GAB1: variants seen among roughly 807,000 people sequenced by gnomAD.
GAB1 encodes the protein GRB2-associated-binding protein 1.
In GAB1, 19 loss-of-function variants were observed where a neutral mutation model predicts 66.5. The observed-to-expected ratio is 0.29, with a 90% CI of 0.20 to 0.42. The LOEUF (loss-of-function observed/expected upper bound fraction) is 0.42, where lower values mean the gene tolerates loss of function less well. Ranked by LOEUF, GAB1 falls within the 10% of genes least tolerant of loss-of-function variation. The probability of loss-of-function intolerance (pLI) is 1.00; values close to 1 mark genes in which losing one functional copy is unlikely to be tolerated. For missense variants in GAB1, 732 were observed against 858.5 expected, an observed-to-expected ratio of 0.85 and a Z score of 1.84; for synonymous variants, 294 against 301.4, an observed-to-expected ratio of 0.98 and a Z score of 0.25.
At chr4:143,460,883 C>T (rs1373536349) in intron 8 of GAB1, among the ~76,000 whole-genome samples, 3 of 152,090 alleles carry the variant, frequency 2.0e-5, no homozygotes, top group Admixed American at 2.0e-4. Context: ...ATTTTTTATA[C>T]TCTTCAAGAA....
At chr4:143,361,709 C>G (rs976896029) in intron 1 of GAB1, among the ~76,000 whole-genome samples, 2 of 152,142 alleles carry the variant, frequency 1.3e-5, no homozygotes, top group African/African-American at 4.8e-5. Flanking sequence ...ATGCCACCAC[C>G]GCTGCCTTTG....
At chr4:143,459,507 T>C (rs538681486) in intron 7 of GAB1, 29 bp downstream of exon 7, 1 of 1,128,906 alleles carries the variant, frequency 8.9e-7, no homozygotes, top group Non-Finnish European at 1.4e-6. Flanking sequence ...ATATGTAGTT[T>C]GTATGAATAA....
chr4:143,391,120 A>G (rs1049724605), intron 1 of GAB1, among the ~76,000 whole-genome samples: 1 of 152,226 alleles, frequency 6.6e-6, no homozygotes, highest in Non-Finnish European at 1.5e-5. Context: ...TTGGGTGAGC[A>G]GGTAATGGTC....
At chr4:143,359,102 G>C (rs534347485) in intron 1 of GAB1, among the ~76,000 whole-genome samples, 2 of 152,266 alleles carry the variant, frequency 1.3e-5, no homozygotes, top group East Asian at 3.9e-4. Flanking sequence ...TAAATGGTAT[G>C]AGAAGTTAAA....
intron 1 of GAB1, among the ~76,000 whole-genome samples, chr4:143,346,994 C>CG (rs1729010614): frequency 6.6e-6 from 1 of 152,118 alleles, no homozygotes; most frequent in Non-Finnish European, 1.5e-5. Flanking sequence ...TAAATGTTGA[C>CG]TGTTTCAAAT....
chr4:143,438,998 G>A (rs1385604004), intron 4 of GAB1, among the ~76,000 whole-genome samples: 1 of 152,082 alleles, frequency 6.6e-6, no homozygotes, highest in East Asian at 1.9e-4. Flanking sequence ...CATCTGTTGG[G>A]CTCTATTTCC....
intron 1 of GAB1, among the ~76,000 whole-genome samples, chr4:143,405,314 C>T (rs529791258): frequency 6.6e-6 from 1 of 152,250 alleles, no homozygotes; most frequent in Admixed American, 6.5e-5. Flanking sequence ...TGTGGGCCTT[C>T]TCATAGTAGG....
At chr4:143,390,411 T>G (rs1385879527) in intron 1 of GAB1, among the ~76,000 whole-genome samples, 1 of 151,810 alleles carries the variant, frequency 6.6e-6, no homozygotes, top group Admixed American at 6.6e-5. Flanking sequence ...TAAGTAGGGT[T>G]TTTTTTGTTT....
intron 1 of GAB1, among the ~76,000 whole-genome samples, chr4:143,346,082 A>G (rs1197231726): frequency 3.9e-5 from 6 of 152,212 alleles, no homozygotes; most frequent in African/African-American, 1.4e-4. Context: ...ACTCTGTGCC[A>G]TAGTTCCCTA....
At chr4:143,358,003 T>C (rs898821556) in intron 1 of GAB1, among the ~76,000 whole-genome samples, 1 of 152,058 alleles carries the variant, frequency 6.6e-6, no homozygotes, top group African/African-American at 2.4e-5. Flanking sequence ...GTGTCTGTTA[T>C]ATAAATTGCT....
chr4:143,430,137 A>C (rs1263038237), intron 2 of GAB1, among the ~76,000 whole-genome samples: 1 of 152,198 alleles, frequency 6.6e-6, no homozygotes. Flanking sequence ...CCAAGTTATC[A>C]GAAACCTACA....
At chr4:143,348,051 C>T (rs1729045975) in intron 1 of GAB1, among the ~76,000 whole-genome samples, 1 of 152,028 alleles carries the variant, frequency 6.6e-6, no homozygotes, top group South Asian at 2.1e-4. Context: ...GGTTGGTCTC[C>T]TCCTCTTTTC....
At chr4:143,379,340 G>A (rs934890004) in intron 1 of GAB1, among the ~76,000 whole-genome samples, 1 of 152,022 alleles carries the variant, frequency 6.6e-6, no homozygotes, top group South Asian at 2.1e-4. Context: ...ATCTTAAGCC[G>A]GATAGGTTAA....
intron 1 of GAB1, among the ~76,000 whole-genome samples, chr4:143,415,121 G>A (rs1009801189): frequency 2.0e-5 from 3 of 152,144 alleles, no homozygotes; most frequent in Non-Finnish European, 4.4e-5. Context: ...ATAATGTCCA[G>A]CTTCATTCTT....
chr4:143,431,315 C>A (rs1733639686), intron 2 of GAB1, among the ~76,000 whole-genome samples: 1 of 152,122 alleles, frequency 6.6e-6, no homozygotes, highest in South Asian at 2.1e-4. Flanking sequence ...AAACAGAGGT[C>A]TCTCCCCTCT....
intron 1 of GAB1, among the ~76,000 whole-genome samples, chr4:143,388,477 C>T (rs1211846162): frequency 2.0e-5 from 3 of 152,170 alleles, no homozygotes; most frequent in African/African-American, 7.2e-5. Context: ...AGCAGTAGAG[C>T]GATCTCGGCT....
At position 143,459,471 on chromosome 4, in the gene GAB1, G is replaced by A; in HGVS notation, c.1672G>A (p.Ala558Thr). ...PVRSPITRSF[A>T]RDSSRFPMSP... is the part of the protein sequence containing the mutation. Reference sequence around the variant, plus strand: ...TAGATCTCCCATCACTAGGAGTTTTGCTCGAGAGTAAGTCCTTTGTCTAAA... The same window carrying A: ...TAGATCTCCCATCACTAGGAGTTTTACTCGAGAGTAAGTCCTTTGTCTAAA... Residue 558 changes from alanine to threonine, a missense_variant, in exon 7 of 10, where the codon GCT (alanine) becomes ACT (threonine). Ala to Thr is a moderately conservative substitution (Grantham distance 58). Transcript: ENST00000262994. 1 of 1,540,712 alleles carries A rather than the reference G, an allele frequency of 6.5e-7. No homozygotes were observed. Among genetic ancestry groups the A allele is most frequent in the Non-Finnish European group, 9.0e-7 (1 of 1,113,324 alleles).
chr4:143,375,225 G>T (rs1730362637), intron 1 of GAB1, among the ~76,000 whole-genome samples: 1 of 152,246 alleles, frequency 6.6e-6, no homozygotes, highest in South Asian at 2.1e-4. Context: ...TGGGATTACA[G>T]GCATCAGCCA....
chr4:143,428,615 C>T (rs536896345), intron 2 of GAB1, among the ~76,000 whole-genome samples: 7 of 152,078 alleles, frequency 4.6e-5, no homozygotes, highest in Admixed American at 1.3e-4. Context: ...GAGCTGCAGC[C>T]AGAGATTGCT....
Sources: allele counts gnomAD v4.1 joint callset (sites outside exome capture counted in the v4.1 genomes callset), GRCh38; gene constraint gnomAD v4.1.1; transcripts MANE v1.5; gene names NCBI Gene and HGNC (gene_info 2026-07-23, HGNC 2026-07-21).